The following PPP4R4 variants were observed in gnomAD, a reference collection of about 807,000 sequenced individuals.
PPP4R4 encodes the protein protein phosphatase 4 regulatory subunit 4, also known as serine/threonine-protein phosphatase 4 regulatory subunit 4.
A neutral mutation model predicts 121.8 loss-of-function variants in PPP4R4; 70 were observed. That is an observed-to-expected ratio of 0.57 (90% CI 0.47 to 0.70). The LOEUF (loss-of-function observed/expected upper bound fraction) is 0.70, where lower values mean the gene tolerates loss of function less well. Ranked by LOEUF, PPP4R4 falls within the 30% of genes least tolerant of loss-of-function variation. PPP4R4 has a pLI of 0.00. For synonymous variants in PPP4R4, 348 were observed against 355.7 expected, an observed-to-expected ratio of 0.98 and a Z score of 0.24; for missense variants, 875 against 1,033.6, an observed-to-expected ratio of 0.85 and a Z score of 2.10.
intron 14 of PPP4R4, 129 bp downstream of exon 14, chr14:94,246,668 T>C: frequency 9.8e-7 from 1 of 1,020,760 alleles, no homozygotes; most frequent in Non-Finnish European, 1.4e-6. Flanking sequence ...GGATGTCAGC[T>C]TCGTAGGTCC....
At chr14:94,178,704 A>G (rs1040657662) in intron 2 of PPP4R4, among the ~76,000 whole-genome samples, 1 of 152,222 alleles carries the variant, frequency 6.6e-6, no homozygotes, top group Non-Finnish European at 1.5e-5. Flanking sequence ...GTGGTTTTGC[A>G]TACGTGCGAT....
chr14:94,239,403 G>C (rs1247038365), intron 8 of PPP4R4, among the ~76,000 whole-genome samples: 1 of 129,788 alleles, frequency 7.7e-6, no homozygotes, highest in Non-Finnish European at 1.5e-5. Context: ...CTGTGTCCAA[G>C]TGTTCTCATT....
At chr14:94,249,874 G>T (rs1334539146) in intron 14 of PPP4R4, among the ~76,000 whole-genome samples, 3 of 152,072 alleles carry the variant, frequency 2.0e-5, no homozygotes, top group African/African-American at 7.2e-5. Flanking sequence ...ACAGCTAAAA[G>T]AATAGGTGGC....
chr14:94,210,415 T>C (rs1219564734), intron 3 of PPP4R4, among the ~76,000 whole-genome samples: 1 of 151,820 alleles, frequency 6.6e-6, no homozygotes, highest in Non-Finnish European at 1.5e-5. Context: ...TTTTAGAAGA[T>C]ATGGTTTTAA....
intron 8 of PPP4R4, among the ~76,000 whole-genome samples, chr14:94,239,990 C>T (rs1892543058): frequency 6.6e-6 from 1 of 151,888 alleles, no homozygotes; most frequent in Non-Finnish European, 1.5e-5. Flanking sequence ...TACTCATAAG[C>T]CTGTTATAGC....
At chr14:94,210,351 C>A (rs1462857076) in intron 3 of PPP4R4, among the ~76,000 whole-genome samples, 1 of 150,050 alleles carries the variant, frequency 6.7e-6, no homozygotes, top group African/African-American at 2.5e-5. Flanking sequence ...ATATGTATAG[C>A]GTATTTATAC....
intron 23 of PPP4R4, among the ~76,000 whole-genome samples, chr14:94,268,177 A>G (rs773274202): frequency 6.6e-6 from 1 of 152,216 alleles, no homozygotes; most frequent in Non-Finnish European, 1.5e-5. Flanking sequence ...TTTAAAATAT[A>G]GAGTGCCTTT....
intron 20 of PPP4R4, 143 bp from the exon 21 acceptor site, chr14:94,265,244 A>C (rs1047695487): frequency 1.4e-5 from 9 of 650,056 alleles, no homozygotes; most frequent in Non-Finnish European, 2.2e-5. Flanking sequence ...GAAATATGTA[A>C]ATATTACCAA....
chr14:94,233,755 C>A lies in PPP4R4; in HGVS notation c.619C>A (p.His207Asn), dbSNP rs764596603. 1 of 1,538,728 alleles carries A rather than the reference C, an allele frequency of 6.5e-7. No homozygotes were observed. Among genetic ancestry groups the A allele is most frequent in the Admixed American group, 1.7e-5 (1 of 58,400 alleles). ...LGKLTNKFDAHTIKREILPLV... is the reference protein window; with the variant it reads ...LGKLTNKFDANTIKREILPLV... ...AAAATTGACCAACAAATTTGATGCC[C>A]ACACGTGAGTATTTGTATGTAATTT... The change falls in exon 6 of 25, where the codon CAC becomes AAC. Residue 207 changes from histidine to asparagine, a missense_variant. Physicochemically the swap from His to Asn is moderately conservative, Grantham distance 68. Transcript: ENST00000304338.
intron 1 of PPP4R4, 146 bp downstream of exon 1, chr14:94,174,728 C>A: frequency 7.1e-7 from 1 of 1,403,844 alleles, no homozygotes; most frequent in Non-Finnish European, 9.4e-7. Flanking sequence ...CCTCCTCCAC[C>A]CCTCTTGCCG....
At position 94,176,513 on chromosome 14, in the gene PPP4R4, G is replaced by A. The variant is rs572892730; in HGVS notation, c.191+386G>A. Among the ~76,000 whole-genome samples, 117 of 152,138 alleles carry A rather than the reference G, an allele frequency of 7.7e-4. 1 individual carries two copies. Among genetic ancestry groups the A allele is most frequent in the African/African-American group, 2.8e-3 (115 of 41,518 alleles). Reference sequence around the variant, plus strand: ...GAACATTATACGGGATCTACTATACGGAAAAAAATCCACAAATATGGTAGT... The same window carrying A: ...GAACATTATACGGGATCTACTATACAGAAAAAAATCCACAAATATGGTAGT... On this transcript the variant is annotated intron_variant, in intron 2 of 24. Transcript: ENST00000304338.
At chr14:94,233,847 C>G in intron 6 of PPP4R4, 88 bp downstream of exon 6, 1 of 840,206 alleles carries the variant, frequency 1.2e-6, no homozygotes, top group Non-Finnish European at 1.9e-6. Context: ...TGTGTTATTT[C>G]ATACTGCATA....
chr14:94,255,579 C>T (rs1472629236), intron 16 of PPP4R4, among the ~76,000 whole-genome samples: 4 of 149,688 alleles, frequency 2.7e-5, no homozygotes, highest in East Asian at 2.0e-4. Context: ...CCAGCCTGGG[C>T]GACAGAGCAA....
At chr14:94,197,970 A>G (rs1889974025) in intron 2 of PPP4R4, among the ~76,000 whole-genome samples, 2 of 152,172 alleles carry the variant, frequency 1.3e-5, no homozygotes, top group South Asian at 4.1e-4. Flanking sequence ...GGATTGTTTT[A>G]TGTATTACAA....
intron 2 of PPP4R4, among the ~76,000 whole-genome samples, chr14:94,189,190 A>T (rs1889460117): frequency 6.6e-6 from 1 of 152,192 alleles, no homozygotes; most frequent in African/African-American, 2.4e-5. Flanking sequence ...TGGAGATGAC[A>T]TTTTGACCCT....
chr14:94,247,448 C>T (rs1451741386), intron 14 of PPP4R4, among the ~76,000 whole-genome samples: 1 of 152,166 alleles, frequency 6.6e-6, no homozygotes, highest in Admixed American at 6.5e-5. Context: ...CATCTTTGAC[C>T]CACTGCACTG....
At chr14:94,231,153 T>C (rs1892010341) in intron 4 of PPP4R4, 89 bp from the exon 5 acceptor site, 7 of 908,124 alleles carry the variant, frequency 7.7e-6, no homozygotes, top group Admixed American at 4.5e-5. Context: ...CATTTTATCA[T>C]TAAGTGCTAT....
chr14:94,246,968 C>A (rs1173584061), intron 14 of PPP4R4, among the ~76,000 whole-genome samples: 2 of 152,136 alleles, frequency 1.3e-5, no homozygotes, highest in Non-Finnish European at 1.5e-5. Context: ...GCCAAGGCAC[C>A]CCTTAAGCTT....
intron 2 of PPP4R4, among the ~76,000 whole-genome samples, chr14:94,188,597 A>T (rs900348879): frequency 1.3e-5 from 2 of 152,118 alleles, no homozygotes; most frequent in Non-Finnish European, 2.9e-5. Flanking sequence ...ACACACACAC[A>T]CTTATATAAA....
Sources: allele counts gnomAD v4.1 joint callset (sites outside exome capture counted in the v4.1 genomes callset), GRCh38; gene constraint gnomAD v4.1.1; transcripts MANE v1.5; gene names NCBI Gene and HGNC (gene_info 2026-07-23, HGNC 2026-07-21).